The following PIEZO1 variants were observed in gnomAD, a reference collection of about 807,000 sequenced individuals.
The protein encoded by PIEZO1 is piezo type mechanosensitive ion channel component 1 (Er blood group), also known as piezo-type mechanosensitive ion channel component 1.
In PIEZO1, 296 loss-of-function variants were observed where a neutral mutation model predicts 297.2. The ratio of observed to expected loss-of-function variants is 1.00; its 90% CI spans 0.91 to 1.10. The LOEUF is 1.10. Among genes scored for constraint, PIEZO1 ranks in the 50% least tolerant of loss-of-function variants. PIEZO1 has a pLI of 0.00. For missense variants in PIEZO1, 5,018 were observed against 3,455.5 expected (o/e 1.45, Z -11.34); for synonymous variants, 2,427 against 1,507.5 (o/e 1.61, Z -14.13).
chr16:88,749,429 G>T lies in PIEZO1; in HGVS notation c.115C>A (p.Leu39Met). Residue 39 changes from leucine (L) to methionine (M), a missense_variant, in exon 2 of 51, where the codon CTG (leucine) becomes ATG (methionine). Coordinates refer to ENST00000301015, the MANE Select transcript of PIEZO1 (RefSeq NM_001142864.4). ...GGGCCGGGGAACCAGGGCAGCAGCA[G>T]CAGGAAGAGCAGGTAGACCAGCGAG... is the stretch of plus-strand genomic sequence containing the variant. ...GLSLVYLLFL[L>M]LLPWFPGPTR... The T allele has an allele frequency of 6.6e-7, 1 of 1,523,300 alleles. No individual in the cohort carries two copies. The highest frequency in any genetic ancestry group is 1.2e-5 in the South Asian group (1 of 81,438). The allele number at this position is 1,523,300 out of a possible 1,614,324, so 94.4% of individuals were successfully genotyped here. A position where few individuals can be genotyped will look rare whatever the true frequency, so the allele number is the denominator to read the frequency against.
chr16:88,764,147 G>C (rs1365317683), intron 1 of PIEZO1, among the ~76,000 whole-genome samples: 3 of 152,180 alleles, frequency 2.0e-5, no homozygotes, highest in African/African-American at 7.2e-5. Context: ...GAAGGTCCTG[G>C]GGGAAACCCA....
intron 5 of PIEZO1, chr16:88,739,758 C>T (rs918562542): frequency 2.6e-5 from 4 of 152,550 alleles, no homozygotes; most frequent in Non-Finnish European, 5.9e-5. Context: ...GAGGCCCAGG[C>T]CCTGAGCCCA....
chr16:88,721,322 T>C lies in PIEZO1; in HGVS notation c.5512A>G (p.Thr1838Ala). The change falls in exon 39 of 51, where the codon ACC (threonine) becomes GCC (alanine). Residue 1838 changes from threonine (T) to alanine (A), a missense_variant. Coordinates refer to ENST00000301015, the MANE Select transcript of PIEZO1 (RefSeq NM_001142864.4). ...GCTTCCACCTGAATGTGGTCTTCGG[T>C]GGTGGCCGCAGGCACCCCTGGCCCC... ...EEGPGVPAAT[T>A]EDHIQVEARV... is the part of the protein sequence containing the mutation. The C allele has an allele frequency of 2.6e-6, 4 of 1,546,518 alleles. No homozygotes were observed. The highest frequency in any genetic ancestry group is 2.4e-5 in the South Asian group (2 of 84,028).
intron 23 of PIEZO1, 37 bp downstream of exon 23, chr16:88,727,520 G>A (rs550537055): frequency 2.3e-5 from 18 of 787,976 alleles, no homozygotes; most frequent in Non-Finnish European, 2.9e-5. Flanking sequence ...TACTCTGAGG[G>A]TCCTCTGCAG....
At position 88,735,151 on chromosome 16, in the gene PIEZO1, G is replaced by C; in HGVS notation, c.1653C>G (p.Val551=). 2 of 1,550,282 alleles carry C rather than the reference G, an allele frequency of 1.3e-6. No homozygotes were observed. The highest frequency in any genetic ancestry group is 2.7e-5 in the African/African-American group (2 of 73,184). ...ACCACTCACCTGTGTCTGCCACGGT[G>C]ACCTCCGTCAGCGCAGCTGGAGACT... is the stretch of plus-strand genomic sequence containing the variant. The part of the protein sequence containing the change: ...WAESPAALTE[V]TVADTEPTRT... Residue 551 remains valine (V), a synonymous_variant, in exon 13 of 51, where the codon GTC becomes GTG. Coordinates refer to ENST00000301015, the MANE Select transcript of PIEZO1 (RefSeq NM_001142864.4).
intron 1 of PIEZO1, among the ~76,000 whole-genome samples, chr16:88,755,687 C>G (rs4782346): frequency 0.43 from 64,911 of 152,088 alleles, 16,059 homozygotes; most frequent in African/African-American, 0.69. Flanking sequence ...GCCTTTTCAC[C>G]GAACGGTGGC....
At position 88,785,077 on chromosome 16, in the gene PIEZO1, G is replaced by GCCTTCTCCTCTTCCT. The variant is rs1301843171; in HGVS notation, c.-128_-114dup. ...GCTGACCCGCGGGGACCCGCGCGCC[G>GCCTTCTCCTCTTCCT]CCTTCTCCTCTTCCTCCTTCTCCTT... On this transcript the variant is annotated 5_prime_UTR_variant, in exon 1 of 51. Transcript: ENST00000301015. 1 of 563,316 alleles carries GCCTTCTCCTCTTCCT rather than the reference G, an allele frequency of 1.8e-6. No individual in the cohort carries two copies. The highest frequency in any genetic ancestry group is 2.0e-5 in the African/African-American group (1 of 50,484). 34.9% of individuals were successfully genotyped at this position (563,316 alleles called of 1,614,324 possible).
chr16:88,771,983 T>A (rs1277828978), intron 1 of PIEZO1, among the ~76,000 whole-genome samples: 1 of 26,320 alleles, frequency 3.8e-5, no homozygotes, highest in Admixed American at 3.0e-4. Context: ...CCCCAGGCCC[T>A]CCTGAGACTC....
At chr16:88,784,138 AC>A (rs1479048090) in intron 1 of PIEZO1, among the ~76,000 whole-genome samples, 1 of 152,192 alleles carries the variant, frequency 6.6e-6, no homozygotes, top group Admixed American at 6.5e-5. Flanking sequence ...CGAAAGGGGC[AC>A]CACTGCCCGG....
chr16:88,746,358 G>C (rs1481093953), intron 2 of PIEZO1, among the ~76,000 whole-genome samples: 6 of 152,136 alleles, frequency 3.9e-5, no homozygotes, highest in Admixed American at 2.0e-4. Flanking sequence ...AGGCAGGATG[G>C]GGCTTCTGAG....
chr16:88,752,841 G>T (rs79137470), intron 1 of PIEZO1, among the ~76,000 whole-genome samples: 2,262 of 152,154 alleles, frequency 0.015, 52 homozygotes, highest in African/African-American at 0.051. Flanking sequence ...GGGGTGATCA[G>T]CAACACGCCC....
Position 88,726,728 on chromosome 16 carries a change from T to G in PIEZO1, c.3686A>C (p.Lys1229Thr). ...CCGGAGGCTCACCGACAGCATGTTC[T>G]TGGAGATGATGACGGTGACGTTGTA... ...ILYNVTVIIS[K>T]NMLSLLACVF... Residue 1229 changes from lysine to threonine, a missense_variant, in exon 25 of 51, where the codon AAG (lysine) becomes ACG (threonine). Lys to Thr is a moderately conservative substitution (Grantham distance 78). Coordinates refer to ENST00000301015, the MANE Select transcript of PIEZO1 (RefSeq NM_001142864.4). 6.5e-7 allele frequency: 1 copy of G among 1,549,822 alleles called. No individual in the cohort carries two copies. Among genetic ancestry groups the G allele is most frequent in the Non-Finnish European group, 8.7e-7 (1 of 1,146,650 alleles).
In PIEZO1 at chr16:88,738,619, G is replaced by A. The variant is rs1213995360; in HGVS notation, c.583C>T (p.Leu195=). ...AARFRVTAHW[L]LVAAGRVLAV... is the part of the protein sequence containing the mutation. ...AGGACCCGCCCAGCCGCCACCAGCA[G>A]CCAGTGGGCCGTGACTCGGAAACGA... Residue 195 remains leucine (L), a synonymous_variant, in exon 6 of 51, where the codon CTG becomes TTG. Transcript: ENST00000301015. 3.3e-6 allele frequency: 5 copies of A among 1,535,680 alleles called. No homozygotes were observed. The Admixed American group carries it at 9.8e-5, about 30-fold the overall frequency.
At chr16:88,762,113 G>C (rs955100810) in intron 1 of PIEZO1, among the ~76,000 whole-genome samples, 2 of 152,216 alleles carry the variant, frequency 1.3e-5, no homozygotes, top group Admixed American at 1.3e-4. Context: ...GTCCCGGAAT[G>C]TCTGACGGAG....
Position 88,738,329 on chromosome 16 carries a change from CAG to C in PIEZO1, c.744_745del (p.Cys249ArgfsTer34), listed in dbSNP as rs778843575. On this transcript the variant is annotated frameshift_variant, in exon 7 of 51. Coordinates refer to ENST00000301015, the MANE Select transcript of PIEZO1 (RefSeq NM_001142864.4). LOFTEE classifies it high-confidence loss of function. ...GGCGCCGAAGCACCCCACCGCGACG[CAG>C]AGTCTGCTGAAGCCCCGAGTGCTGA... 3 of 1,535,774 alleles carry C rather than the reference CAG, an allele frequency of 2.0e-6. No individual in the cohort carries two copies. Among genetic ancestry groups the C allele is most frequent in the African/African-American group, 1.4e-5 (1 of 73,046 alleles).
intron 1 of PIEZO1, among the ~76,000 whole-genome samples, chr16:88,774,056 C>G (rs147528344): frequency 6.6e-6 from 1 of 152,170 alleles, no homozygotes; most frequent in South Asian, 2.1e-4. Flanking sequence ...CTGTGCCCGG[C>G]GATAAGGTCT....
chr16:88,743,551 C>T, intron 2 of PIEZO1: 1 of 456,654 alleles, frequency 2.2e-6, no homozygotes, highest in South Asian at 1.5e-5. Context: ...CCTCTCTCGG[C>T]CTCGGGGCGC....
intron 1 of PIEZO1, among the ~76,000 whole-genome samples, chr16:88,782,117 T>C (rs1907964092): frequency 1.3e-5 from 2 of 152,208 alleles, no homozygotes; most frequent in South Asian, 4.1e-4. Context: ...TGCCCTTTTT[T>C]TTCCTTTTTC....
At chr16:88,730,711 C>T (rs982722381) in intron 22 of PIEZO1, among the ~76,000 whole-genome samples, 14 of 151,976 alleles carry the variant, frequency 9.2e-5, no homozygotes, top group Non-Finnish European at 1.8e-4. Flanking sequence ...GCATCACAGG[C>T]GTGAACCACC....
Sources: allele counts gnomAD v4.1 joint callset (sites outside exome capture counted in the v4.1 genomes callset), GRCh38; gene constraint gnomAD v4.1.1; transcripts MANE v1.5; gene names NCBI Gene and HGNC (gene_info 2026-07-23, HGNC 2026-07-21).